The following POGLUT1 variants were observed in gnomAD, a reference collection of about 807,000 sequenced individuals.
POGLUT1 encodes 9630046K23Rik.
POGLUT1 carries 32 observed loss-of-function variants against 61.3 expected under a neutral mutation model. That is an observed-to-expected ratio of 0.52 (90% CI 0.39 to 0.70). The LOEUF (loss-of-function observed/expected upper bound fraction) is 0.70. Ranked by LOEUF, POGLUT1 falls within the 30% of genes least tolerant of loss-of-function variation. The pLI is 0.00. For missense variants in POGLUT1, 411 were observed against 469.8 expected, an observed-to-expected ratio of 0.87 and a Z score of 1.16; for synonymous variants, 158 against 158.2, an observed-to-expected ratio of 1.00 and a Z score of 0.01.
chr3:119,488,029 T>C lies in POGLUT1; in HGVS notation c.739-900T>C, dbSNP rs1007480223. The C allele has an allele frequency of 2.0e-5, 3 of 152,220 alleles. No individual in the cohort carries two copies. In the East Asian group the frequency reaches 5.8e-4, roughly 29 times the overall value. 9.4% of individuals were successfully genotyped at this position (152,220 alleles called of 1,614,324 possible). A position where few individuals can be genotyped will look rare whatever the true frequency, so the allele number is the denominator to read the frequency against. ...AAATTAAAGCCCTAAACTTCCTTTA[T>C]ATGAAATTTCCATATACCATATGAG... On this transcript the variant is annotated intron_variant, in intron 7 of 10. Transcript: ENST00000295588.
chr3:119,486,108 T>C (rs1244660237), intron 6 of POGLUT1, among the ~76,000 whole-genome samples: 1 of 152,228 alleles, frequency 6.6e-6, no homozygotes, highest in Non-Finnish European at 1.5e-5. Flanking sequence ...AAATGGATTA[T>C]CCAGCTACTA....
chr3:119,492,541 A>G lies in POGLUT1; in HGVS notation c.*103A>G. ...GGCACCTATACCTTGAATATCTGCTATCAAGCCAAATACCTGGTTTTCCTT... is the reference window on the plus strand; with the variant it reads ...GGCACCTATACCTTGAATATCTGCTGTCAAGCCAAATACCTGGTTTTCCTT... On this transcript the variant is annotated 3_prime_UTR_variant, in exon 11 of 11. Transcript: ENST00000295588. The G allele has an allele frequency of 1.6e-6, 1 of 634,654 alleles. No homozygotes were observed. The highest frequency in any genetic ancestry group is 3.2e-5 in the South Asian group (1 of 31,328). 39.3% of individuals were successfully genotyped at this position (634,654 alleles called of 1,614,324 possible). A position where few individuals can be genotyped will look rare whatever the true frequency, so the allele number is the denominator to read the frequency against.
intron 6 of POGLUT1, among the ~76,000 whole-genome samples, chr3:119,486,121 T>C (rs1356993225): frequency 6.6e-6 from 1 of 152,206 alleles, no homozygotes; most frequent in Admixed American, 6.5e-5. Flanking sequence ...AGCTACTATG[T>C]CCTGTTTCTT....
chr3:119,471,599 T>C (rs1293900161), intron 3 of POGLUT1, 147 bp downstream of exon 3: 1 of 750,222 alleles, frequency 1.3e-6, no homozygotes, highest in Non-Finnish European at 2.3e-6. Context: ...GCTCTTCTCC[T>C]TGCCTGGGAA....
At chr3:119,491,603 CT>C in intron 10 of POGLUT1, 29 bp downstream of exon 10, 1 of 1,374,844 alleles carries the variant, frequency 7.3e-7, no homozygotes, top group Non-Finnish European at 1.0e-6. Context: ...CCCTTTTCCA[CT>C]TTACTTTTTG....
rs1176004500 is a variant in POGLUT1 at position 119,492,520 on chromosome 3, C to A, written c.*82C>A. The A allele has an allele frequency of 5.5e-6, 5 of 905,754 alleles. No homozygotes were observed. The highest frequency in any genetic ancestry group is 2.3e-5 in the South Asian group (1 of 43,046). 56.1% of individuals were successfully genotyped at this position (905,754 alleles called of 1,614,324 possible). A position where few individuals can be genotyped will look rare whatever the true frequency, so the allele number is the denominator to read the frequency against. ...TGAGAAGCTTACCATAAGCTTGGCA[C>A]CTATACCTTGAATATCTGCTATCAA... is the stretch of plus-strand genomic sequence containing the variant. On this transcript the variant is annotated 3_prime_UTR_variant, in exon 11 of 11. Coordinates refer to ENST00000295588, the MANE Select transcript of POGLUT1 (RefSeq NM_152305.3).
intron 4 of POGLUT1, 55 bp from the exon 5 acceptor site, chr3:119,479,995 GC>G: frequency 6.2e-7 from 1 of 1,607,576 alleles, no homozygotes; most frequent in East Asian, 2.2e-5. Context: ...GATTGCAGTT[GC>G]CTCTTTTCAC....
Position 119,493,049 on chromosome 3 carries a change from C to T in POGLUT1, c.*611C>T, listed in dbSNP as rs369454339. 5.3e-5 allele frequency: 8 copies of T among 151,056 alleles called. No homozygotes were observed. Among genetic ancestry groups the T allele is most frequent in the African/African-American group, 2.0e-4 (8 of 40,758 alleles). The allele number at this position is 151,056 out of a possible 1,614,324, so 9.4% of individuals were successfully genotyped here. A position where few individuals can be genotyped will look rare whatever the true frequency, so the allele number is the denominator to read the frequency against. On this transcript the variant is annotated 3_prime_UTR_variant, in exon 11 of 11. Coordinates refer to ENST00000295588, the MANE Select transcript of POGLUT1 (RefSeq NM_152305.3). ...TACTCAGGAGGTTTCTATAATGCCA[C>T]ATAGAAAGAGGCCAATTGCATGAGT...
chr3:119,469,954 T>G, intron 2 of POGLUT1, 44 bp downstream of exon 2: 3 of 1,099,476 alleles, frequency 2.7e-6, no homozygotes, highest in Non-Finnish European at 4.2e-6. Context: ...TTAGTTGCTG[T>G]CACAGGAAGT....
intron 3 of POGLUT1, among the ~76,000 whole-genome samples, chr3:119,472,887 T>C (rs1012024406): frequency 6.6e-6 from 1 of 152,112 alleles, no homozygotes; most frequent in East Asian, 1.9e-4. Flanking sequence ...AAACATTAGC[T>C]GAGTGTGGTG....
At chr3:119,477,193 C>T (rs139328633) in intron 3 of POGLUT1, 120 bp from the exon 4 acceptor site, 1 of 959,472 alleles carries the variant, frequency 1.0e-6, no homozygotes, top group East Asian at 2.4e-5. Context: ...TTGCAGTAGA[C>T]TGATGATATG....
intron 5 of POGLUT1, among the ~76,000 whole-genome samples, chr3:119,484,942 C>T (rs1439761856): frequency 1.3e-5 from 2 of 152,192 alleles, no homozygotes; most frequent in African/African-American, 2.4e-5. Flanking sequence ...TCTGGCCAGG[C>T]ACAGTGGCTC....
intron 7 of POGLUT1, among the ~76,000 whole-genome samples, chr3:119,487,531 G>T (rs1188711462): frequency 6.6e-6 from 1 of 152,022 alleles, no homozygotes; most frequent in Admixed American, 6.6e-5. Flanking sequence ...AGATTGCAGT[G>T]AGCCGAGATC....
chr3:119,490,617 A>C lies in POGLUT1; in HGVS notation c.864A>C (p.Ser288=), dbSNP rs775470838. ...TTAAACACCTCTTCCTGTGTGGCTC[A>C]CTTGTTTTCCATGTTGGTGATGAGT... ...FRFKHLFLCG[S]LVFHVGDEWL... Residue 288 remains serine, a synonymous_variant, in exon 9 of 11, where the codon TCA becomes TCC. Coordinates refer to ENST00000295588, the MANE Select transcript of POGLUT1 (RefSeq NM_152305.3). 6.2e-7 allele frequency: 1 copy of C among 1,614,134 alleles called. No individual in the cohort carries two copies. The highest frequency in any genetic ancestry group is 1.1e-5 in the South Asian group (1 of 91,092).
intron 6 of POGLUT1, among the ~76,000 whole-genome samples, chr3:119,486,112 G>A (rs1264130002): frequency 6.6e-6 from 1 of 152,156 alleles, no homozygotes; most frequent in African/African-American, 2.4e-5. Context: ...GGATTATCCA[G>A]CTACTATGTC....
At chr3:119,483,873 A>G (rs545050439) in intron 5 of POGLUT1, among the ~76,000 whole-genome samples, 2 of 152,370 alleles carry the variant, frequency 1.3e-5, no homozygotes, top group Non-Finnish European at 2.9e-5. Flanking sequence ...AATTACCCCC[A>G]GTTGAAAGCT....
At chr3:119,484,039 AAAC>A (rs1212965387) in intron 5 of POGLUT1, among the ~76,000 whole-genome samples, 1 of 152,206 alleles carries the variant, frequency 6.6e-6, no homozygotes, top group Non-Finnish European at 1.5e-5. Context: ...ACTAAAAACA[AAAC>A]AACAAAAATC....
intron 7 of POGLUT1, chr3:119,488,501 T>TA (rs57611926): frequency 0.21 from 31,377 of 149,976 alleles, 3,315 homozygotes; most frequent in East Asian, 0.29. Flanking sequence ...TGATTTGATT[T>TA]AAAAAAAAAA....
intron 3 of POGLUT1, among the ~76,000 whole-genome samples, chr3:119,476,878 G>A (rs1172784320): frequency 6.6e-6 from 1 of 152,176 alleles, no homozygotes; most frequent in African/African-American, 2.4e-5. Flanking sequence ...AATTATAATG[G>A]AAATAAAAAT....
Sources: allele counts gnomAD v4.1 joint callset (sites outside exome capture counted in the v4.1 genomes callset), GRCh38; gene constraint gnomAD v4.1.1; transcripts MANE v1.5; gene names NCBI Gene and HGNC (gene_info 2026-07-23, HGNC 2026-07-21).